The following MRPS27 variants were observed in gnomAD, a reference collection of about 807,000 sequenced individuals.
MRPS27 encodes the protein mitochondrial ribosomal protein S27.
MRPS27 carries 43 observed loss-of-function variants against 48.9 expected under a neutral mutation model. The observed-to-expected ratio is 0.88, with a 90% confidence interval of 0.69 to 1.13. The LOEUF is 1.13. MRPS27 is among the 50% of genes most tolerant of loss of function. MRPS27 has a pLI of 0.00. For missense variants in MRPS27, 467 were observed against 476.3 expected, an observed-to-expected ratio of 0.98 and a Z score of 0.18; for synonymous variants, 188 against 171.9, an observed-to-expected ratio of 1.09 and a Z score of -0.73.
chr5:72,287,086 A>G (rs1049263197), intron 4 of MRPS27, among the ~76,000 whole-genome samples: 1 of 152,106 alleles, frequency 6.6e-6, no homozygotes, highest in African/African-American at 2.4e-5. Context: ...TGGTGGTATT[A>G]GATTCTCATA....
chr5:72,219,884 A>C lies in MRPS27; in HGVS notation c.*1025T>G, dbSNP rs1580046489. ...TTTGGGAAAAAAAAAATTGGAAAAA[A>C]AATGTTACCCCAACACGATGGAGAA... On this transcript the variant is annotated 3_prime_UTR_variant, in exon 11 of 11. Coordinates refer to ENST00000261413, the MANE Select transcript of MRPS27 (RefSeq NM_015084.3). 6.6e-6 allele frequency: 1 copy of C among 152,626 alleles called. No individual in the cohort carries two copies. Among genetic ancestry groups the C allele is most frequent in the African/African-American group, 2.4e-5 (1 of 41,456 alleles). The allele number at this position is 152,626 out of a possible 1,614,324, so 9.5% of individuals were successfully genotyped here.
At position 72,267,090 on chromosome 5, in the gene MRPS27, CTTTATATG is replaced by C. The variant is rs1749123954; in HGVS notation, c.281+28433_281+28440del. Among the ~76,000 whole-genome samples the C allele has an allele frequency of 2.0e-5, 3 of 152,254 alleles. No individual in the cohort carries two copies. The South Asian group carries it at 6.2e-4, about 32-fold the overall frequency. ...TATGAGGTGAGTGATTCCTACACAA[CTTTATATG>C]TTTATTTTAAAGATAAGAAAACTGA... On this transcript the variant is annotated intron_variant, in intron 4 of 10. Transcript: ENST00000261413.
At chr5:72,239,664 T>A (rs1049800406) in intron 4 of MRPS27, among the ~76,000 whole-genome samples, 2 of 152,066 alleles carry the variant, frequency 1.3e-5, no homozygotes, top group Non-Finnish European at 2.9e-5. Flanking sequence ...TTTTCCCTCA[T>A]ATTTGTTTTT....
At chr5:72,312,584 T>C (rs1383770810) in intron 2 of MRPS27, among the ~76,000 whole-genome samples, 1 of 152,174 alleles carries the variant, frequency 6.6e-6, no homozygotes, top group Admixed American at 6.6e-5. Context: ...ACTTCCCCTT[T>C]GTTTCTCCTC....
intron 4 of MRPS27, among the ~76,000 whole-genome samples, chr5:72,287,569 G>A (rs1749705866): frequency 6.6e-6 from 1 of 152,206 alleles, no homozygotes; most frequent in Admixed American, 6.5e-5. Context: ...AACTTGGGAG[G>A]TGGAGGCTGC....
intron 2 of MRPS27, among the ~76,000 whole-genome samples, chr5:72,310,816 C>T (rs1320348448): frequency 6.6e-6 from 1 of 152,168 alleles, no homozygotes; most frequent in African/African-American, 2.4e-5. Flanking sequence ...AGTAACTCTG[C>T]AGTGGAGAAA....
At chr5:72,250,954 A>C (rs541491359) in intron 4 of MRPS27, among the ~76,000 whole-genome samples, 1 of 152,288 alleles carries the variant, frequency 6.6e-6, no homozygotes. Context: ...TAACCGGTAA[A>C]AGTTATATCC....
intron 4 of MRPS27, among the ~76,000 whole-genome samples, chr5:72,289,801 C>T (rs1369613355): frequency 6.6e-6 from 1 of 152,082 alleles, no homozygotes; most frequent in Non-Finnish European, 1.5e-5. Flanking sequence ...ATGACTGTTA[C>T]GTTGCAGATC....
Position 72,219,477 on chromosome 5 carries a change from A to G in MRPS27, c.*1432T>C, listed in dbSNP as rs1478744742. 1 of 152,190 alleles carries G rather than the reference A, an allele frequency of 6.6e-6. No individual in the cohort carries two copies. 9.4% of individuals were successfully genotyped at this position (152,190 alleles called of 1,614,324 possible). ...ACTCCTCAAAATCATAGTAACAATA[A>G]TGAGTCCCTCTCCCTCCTCCCTTTC... On this transcript the variant is annotated 3_prime_UTR_variant, in exon 11 of 11. Transcript: ENST00000261413.
In MRPS27 at chr5:72,295,309, A is replaced by G; in HGVS notation, c.281+222T>C. The stretch of plus-strand genomic sequence containing the variant: ...CGTATACAATACAAAAAAGAGAACA[A>G]CCTAGAGGTCCATAAAAAGGGAACT... On this transcript the variant is annotated intron_variant, in intron 4 of 10. Transcript: ENST00000261413. 2 of 450,508 alleles carry G rather than the reference A, an allele frequency of 4.4e-6. 1 individual carries two copies. Among genetic ancestry groups the G allele is most frequent in the South Asian group, 7.8e-5 (2 of 25,770 alleles). The allele number at this position is 450,508 out of a possible 1,614,324, so 27.9% of individuals were successfully genotyped here.
intron 4 of MRPS27, among the ~76,000 whole-genome samples, chr5:72,292,950 C>G (rs1461774750): frequency 6.6e-6 from 1 of 152,090 alleles, no homozygotes; most frequent in African/African-American, 2.4e-5. Flanking sequence ...TGTAAGTTTG[C>G]TCCGAGATGT....
chr5:72,319,326 G>A (rs1004316618), intron 1 of MRPS27, among the ~76,000 whole-genome samples: 4 of 152,046 alleles, frequency 2.6e-5, no homozygotes, highest in Admixed American at 2.6e-4. Flanking sequence ...TTATCTACAC[G>A]TGGAAAACTA....
intron 4 of MRPS27, among the ~76,000 whole-genome samples, chr5:72,240,092 A>G (rs1044695012): frequency 6.6e-6 from 1 of 152,188 alleles, no homozygotes; most frequent in Admixed American, 6.5e-5. Context: ...GACTTGCTCA[A>G]TACTGATTCC....
chr5:72,224,221 TG>T (rs1747834107), intron 9 of MRPS27, among the ~76,000 whole-genome samples: 2 of 148,132 alleles, frequency 1.4e-5, no homozygotes, highest in South Asian at 4.2e-4. Context: ...AAGCCAAGCA[TG>T]GTGGTGCACC....
intron 1 of MRPS27, among the ~76,000 whole-genome samples, chr5:72,318,226 T>G (rs1750613689): frequency 6.6e-6 from 1 of 152,242 alleles, no homozygotes; most frequent in Admixed American, 6.5e-5. Context: ...TTTGTATTAT[T>G]TTACTGTTGT....
chr5:72,240,995 T>G (rs1013623388), intron 4 of MRPS27, among the ~76,000 whole-genome samples: 3 of 152,232 alleles, frequency 2.0e-5, no homozygotes, highest in African/African-American at 7.2e-5. Flanking sequence ...CTCTAAGCCC[T>G]AACAATCTTA....
At chr5:72,264,039 T>C (rs534754430) in intron 4 of MRPS27, among the ~76,000 whole-genome samples, 2 of 152,326 alleles carry the variant, frequency 1.3e-5, no homozygotes, top group South Asian at 2.1e-4. Context: ...AGTATATACA[T>C]ACAAAGGAAT....
chr5:72,284,178 C>T (rs950267420), intron 4 of MRPS27, among the ~76,000 whole-genome samples: 28 of 150,822 alleles, frequency 1.9e-4, no homozygotes, highest in Admixed American at 5.3e-4. Flanking sequence ...TTTGGGAGGC[C>T]GAGGCAGGTG....
chr5:72,302,903 A>T (rs560400078), intron 2 of MRPS27, among the ~76,000 whole-genome samples: 1 of 152,372 alleles, frequency 6.6e-6, no homozygotes, highest in East Asian at 1.9e-4. Context: ...CCTAAAAAGT[A>T]AACAACCGGG....
Sources: gnomAD v4.1 joint callset for allele counts (sites outside exome capture counted in the v4.1 genomes callset) on GRCh38, gnomAD v4.1.1 for gene constraint, MANE v1.5 for transcripts, NCBI Gene and HGNC (gene_info 2026-07-23, HGNC 2026-07-21) for gene names.